The following PINX1 variants were observed in gnomAD, a reference collection of about 807,000 sequenced individuals.
PINX1 encodes PIN2 (TERF1) interacting telomerase inhibitor 1.
In PINX1, 34 loss-of-function variants were observed where a neutral mutation model predicts 25.4. The ratio of observed to expected loss-of-function variants is 1.34; its 90% CI spans 1.02 to 1.78. PINX1 has a LOEUF of 1.78. Ranked by LOEUF, PINX1 falls within the 40% of genes most tolerant of loss-of-function variation. The pLI is 0.00. For missense variants in PINX1, 592 were observed against 404.9 expected (o/e 1.46, Z -3.97); for synonymous variants, 197 against 147.7 (o/e 1.33, Z -2.42).
intron 6 of PINX1, among the ~76,000 whole-genome samples, chr8:10,814,905 A>C (rs756249648): frequency 6.6e-6 from 1 of 152,196 alleles, no homozygotes; most frequent in Non-Finnish European, 1.5e-5. Flanking sequence ...ACAAATGAAA[A>C]AGTCCACATG....
chr8:10,785,233 C>G (rs905086746), intron 6 of PINX1, among the ~76,000 whole-genome samples: 1 of 152,190 alleles, frequency 6.6e-6, no homozygotes, highest in Non-Finnish European at 1.5e-5. Flanking sequence ...ACTACACTTA[C>G]AGCTATTAAG....
chr8:10,834,851 A>C, intron 1 of PINX1, 76 bp from the exon 2 acceptor site: 1 of 921,360 alleles, frequency 1.1e-6, no homozygotes, highest in Non-Finnish European at 1.7e-6. Context: ...CACATGCACA[A>C]CTTTGTGTAT....
chr8:10,779,850 C>A (rs1232724570), intron 6 of PINX1, among the ~76,000 whole-genome samples: 1 of 152,080 alleles, frequency 6.6e-6, no homozygotes, highest in African/African-American at 2.4e-5. Flanking sequence ...AATGAACAAC[C>A]CCAACGCCTA....
At chr8:10,817,862 T>A (rs1797748209) in intron 6 of PINX1, among the ~76,000 whole-genome samples, 1 of 152,208 alleles carries the variant, frequency 6.6e-6, no homozygotes, top group African/African-American at 2.4e-5. Flanking sequence ...TGGCAGGCTA[T>A]CCCCGTGTTC....
chr8:10,806,189 C>A (rs567975959), intron 6 of PINX1, among the ~76,000 whole-genome samples: 1 of 151,190 alleles, frequency 6.6e-6, no homozygotes, highest in Non-Finnish European at 1.5e-5. Flanking sequence ...GGTGACGGAG[C>A]ACAGGAAGGG....
At chr8:10,821,401 G>A (rs1447061170) in intron 5 of PINX1, among the ~76,000 whole-genome samples, 1 of 152,226 alleles carries the variant, frequency 6.6e-6, no homozygotes, top group Non-Finnish European at 1.5e-5. Context: ...ACCAGATGAA[G>A]TGGCCCAGGC....
intron 6 of PINX1, among the ~76,000 whole-genome samples, chr8:10,819,091 G>T (rs557587419): frequency 6.6e-6 from 1 of 152,146 alleles, no homozygotes; most frequent in Non-Finnish European, 1.5e-5. Context: ...AGCATAGTCC[G>T]CGCAGGCACC....
At chr8:10,839,178 G>A (rs1798494837) in intron 1 of PINX1, among the ~76,000 whole-genome samples, 1 of 152,196 alleles carries the variant, frequency 6.6e-6, no homozygotes, top group Admixed American at 6.5e-5. Flanking sequence ...GCAGGACGGG[G>A]CGCTGTGGCC....
chr8:10,779,387 A>C (rs1801513430), intron 6 of PINX1, among the ~76,000 whole-genome samples: 2 of 152,258 alleles, frequency 1.3e-5, no homozygotes, highest in Non-Finnish European at 1.5e-5. Flanking sequence ...CTAAAAGTGA[A>C]ATGAAACAAA....
At chr8:10,839,080 C>T (rs1798490658) in intron 1 of PINX1, among the ~76,000 whole-genome samples, 1 of 152,174 alleles carries the variant, frequency 6.6e-6, no homozygotes, top group Non-Finnish European at 1.5e-5. Context: ...ACCTTCGCTA[C>T]AGGTACAATT....
chr8:10,832,167 T>C (rs1310571454), intron 3 of PINX1, among the ~76,000 whole-genome samples: 5 of 152,308 alleles, frequency 3.3e-5, no homozygotes, highest in South Asian at 4.1e-4. Context: ...TAAAATCTTC[T>C]AATGACTTGC....
At chr8:10,820,408 C>T in intron 5 of PINX1, 139 bp from the exon 6 acceptor site, 1 of 690,578 alleles carries the variant, frequency 1.4e-6, no homozygotes, top group Non-Finnish European at 2.6e-6. Flanking sequence ...ACTTTCTACC[C>T]ACTTTTTCAT....
In PINX1 at chr8:10,810,619, G is replaced by A. The variant is rs75356648; in HGVS notation, c.471+9574C>T. ...ATATAAAAATTCCTGCCCTCACGGG[G>A]ATCCCAGTCTCCTAAGGGAAGGCAA... On this transcript the variant is annotated intron_variant, in intron 6 of 6. Coordinates refer to ENST00000314787, the MANE Select transcript of PINX1 (RefSeq NM_017884.6). Among the ~76,000 whole-genome samples, 730 of 152,268 alleles carry A rather than the reference G, an allele frequency of 4.8e-3. 3 individuals carry two copies. Among genetic ancestry groups the A allele is most frequent in the African/African-American group, 0.017 (698 of 41,550 alleles).
chr8:10,839,638 G>A (rs1798509291), intron 1 of PINX1, 100 bp downstream of exon 1: 2 of 1,239,986 alleles, frequency 1.6e-6, no homozygotes, highest in Non-Finnish European at 2.3e-6. Flanking sequence ...TGCGCCAGGC[G>A]CGCCGGCAAC....
intron 6 of PINX1, among the ~76,000 whole-genome samples, chr8:10,768,371 C>T (rs1563199202): frequency 6.6e-6 from 1 of 152,238 alleles, no homozygotes; most frequent in Non-Finnish European, 1.5e-5. Context: ...GAACTAATTG[C>T]TGGTATTAAT....
At chr8:10,796,360 A>G (rs971863132) in intron 6 of PINX1, among the ~76,000 whole-genome samples, 2 of 152,152 alleles carry the variant, frequency 1.3e-5, no homozygotes, top group Non-Finnish European at 2.9e-5. Flanking sequence ...TTTCAACCAG[A>G]GTAGAGACAC....
At chr8:10,813,154 G>C (rs1265244506) in intron 6 of PINX1, among the ~76,000 whole-genome samples, 2 of 152,128 alleles carry the variant, frequency 1.3e-5, no homozygotes, top group African/African-American at 4.8e-5. Context: ...TAATTGGCTT[G>C]TTTGTGGGCT....
In PINX1 at chr8:10,765,776, C is replaced by G; in HGVS notation, c.612G>C (p.Glu204Asp). ...QVPVPGSDIS[E>D]TQVERKRGKK... ...TCCCCCTTTTACGTTCCACCTGCGTCTCAGAAATGTCAGACCCTGGAACTG... is the reference window on the plus strand; with the variant it reads ...TCCCCCTTTTACGTTCCACCTGCGTGTCAGAAATGTCAGACCCTGGAACTG... The change falls in exon 7 of 7, where the codon GAG (glutamate) becomes GAC (aspartate). Residue 204 changes from glutamate (E) to aspartate (D), a missense_variant. Glu to Asp is a conservative substitution (Grantham distance 45, BLOSUM62 2). Coordinates refer to ENST00000314787, the MANE Select transcript of PINX1 (RefSeq NM_017884.6). The G allele has an allele frequency of 2.5e-6, 4 of 1,613,988 alleles. No individual in the cohort carries two copies. The highest frequency in any genetic ancestry group is 3.4e-6 in the Non-Finnish European group (4 of 1,179,896).
At chr8:10,802,862 C>T (rs1802314033) in intron 6 of PINX1, among the ~76,000 whole-genome samples, 1 of 152,092 alleles carries the variant, frequency 6.6e-6, no homozygotes, top group Non-Finnish European at 1.5e-5. Flanking sequence ...TTGCTTCCAG[C>T]CCTGACTTCT....
Sources: gnomAD v4.1 joint callset for allele counts (sites outside exome capture counted in the v4.1 genomes callset) on GRCh38, gnomAD v4.1.1 for gene constraint, MANE v1.5 for transcripts, NCBI Gene and HGNC (gene_info 2026-07-23, HGNC 2026-07-21) for gene names.